Variants in IGSF5 observed in about 807,000 individuals in gnomAD.
IGSF5 encodes the protein immunoglobulin superfamily member 5, also known as immunoglobulin superfamily 5 like.
Under a neutral mutation model 39.4 loss-of-function variants are expected in IGSF5, and 41 were observed. The ratio of observed to expected loss-of-function variants is 1.04; its 90% CI spans 0.81 to 1.35. The LOEUF (loss-of-function observed/expected upper bound fraction) is 1.35. Ranked by LOEUF, IGSF5 falls within the 40% of genes most tolerant of loss-of-function variation. The pLI is 0.00. For missense variants in IGSF5, 487 were observed against 494.6 expected (o/e 0.98, Z 0.15); for synonymous variants, 183 against 175.3 (o/e 1.04, Z -0.34).
intron 8 of IGSF5, among the ~76,000 whole-genome samples, chr21:39,796,204 T>C (rs188477534): frequency 3.7e-4 from 57 of 152,248 alleles, no homozygotes; most frequent in Admixed American, 2.0e-3. Flanking sequence ...AGAGAAGACA[T>C]AGACCTTGTT....
At chr21:39,750,512 A>C (rs1245870594) in intron 2 of IGSF5, among the ~76,000 whole-genome samples, 1 of 147,806 alleles carries the variant, frequency 6.8e-6, no homozygotes, top group African/African-American at 2.5e-5. Flanking sequence ...TGTCTCCAGA[A>C]AAAAAAAAAA....
At chr21:39,746,911 G>T (rs1316134749) in intron 2 of IGSF5, among the ~76,000 whole-genome samples, 7 of 152,204 alleles carry the variant, frequency 4.6e-5, no homozygotes, top group Non-Finnish European at 1.0e-4. Flanking sequence ...GCACCTTGGA[G>T]AAATTCAGGC....
chr21:39,788,275 T>A, intron 6 of IGSF5, 87 bp downstream of exon 6: 1 of 971,570 alleles, frequency 1.0e-6, no homozygotes. Context: ...TACACACAAC[T>A]GCGGGATTTT....
intron 7 of IGSF5, among the ~76,000 whole-genome samples, chr21:39,792,347 TG>T (rs1392956124): frequency 2.0e-5 from 3 of 152,084 alleles, no homozygotes; most frequent in Admixed American, 6.6e-5. Flanking sequence ...TAAAAAACTT[TG>T]TTTTTTTCCA....
intron 2 of IGSF5, among the ~76,000 whole-genome samples, chr21:39,751,021 G>A (rs982044728): frequency 3.3e-5 from 5 of 152,222 alleles, no homozygotes; most frequent in African/African-American, 4.8e-5. Context: ...TTCCCAGCCC[G>A]GGGCCTGGAC....
chr21:39,747,230 A>C (rs1035585707), intron 2 of IGSF5, among the ~76,000 whole-genome samples: 4 of 152,222 alleles, frequency 2.6e-5, no homozygotes, highest in African/African-American at 9.6e-5. Context: ...GCAAGAGCGA[A>C]TCAGAGAGCC....
chr21:39,727,220 G>A, the IGSF5 span, among the ~76,000 whole-genome samples: 4 of 152,192 alleles, frequency 2.6e-5, no homozygotes, highest in African/African-American at 2.4e-5. Flanking sequence ...AGAGATCCTG[G>A]TTCCTGGGAT....
intron 8 of IGSF5, among the ~76,000 whole-genome samples, chr21:39,800,060 A>G (rs532409144): frequency 6.6e-6 from 1 of 152,344 alleles, no homozygotes; most frequent in South Asian, 2.1e-4. Flanking sequence ...TGCAGCTGAA[A>G]CACATTAGGG....
At chr21:39,731,415 C>A in the IGSF5 span, among the ~76,000 whole-genome samples, 1 of 152,120 alleles carries the variant, frequency 6.6e-6, no homozygotes, top group East Asian at 1.9e-4. Context: ...TTCCATATTC[C>A]CTTCTCTTTG....
At chr21:39,792,165 C>A in intron 7 of IGSF5, 66 bp downstream of exon 7, 1 of 1,065,812 alleles carries the variant, frequency 9.4e-7, no homozygotes, top group Non-Finnish European at 1.4e-6. Flanking sequence ...GGCTGGCTTG[C>A]TAGATACCAG....
At chr21:39,738,982 G>A in the IGSF5 span, among the ~76,000 whole-genome samples, 33 of 151,964 alleles carry the variant, frequency 2.2e-4, no homozygotes, top group South Asian at 2.5e-3. The surrounding 1 kb of genome is among the most constrained non-coding windows in gnomAD (Gnocchi z 6.4). Context: ...TCCATCTCCC[G>A]GGTTCAAGCA....
chr21:39,739,031 G>T, the IGSF5 span, among the ~76,000 whole-genome samples: 4 of 152,154 alleles, frequency 2.6e-5, no homozygotes, highest in South Asian at 8.3e-4. Flanking sequence ...TGTGATTACA[G>T]GAGCCCGCCA....
intron 8 of IGSF5, among the ~76,000 whole-genome samples, chr21:39,798,629 C>G (rs781427269): frequency 6.6e-6 from 1 of 152,162 alleles, no homozygotes; most frequent in Non-Finnish European, 1.5e-5. Context: ...TCTCTGAATA[C>G]GTCATCTTTG....
chr21:39,787,552 G>GTTTTTTTTTTTTTTTT (rs33925299), intron 5 of IGSF5, among the ~76,000 whole-genome samples: 1 of 119,908 alleles, frequency 8.3e-6, no homozygotes, highest in African/African-American at 3.2e-5. Flanking sequence ...TAATGACAGT[G>GTTTTTTTTTTTTTTTT]TTTTTTTTTT....
chr21:39,733,100 A>G, the IGSF5 span, among the ~76,000 whole-genome samples: 1 of 152,116 alleles, frequency 6.6e-6, no homozygotes, highest in Non-Finnish European at 1.5e-5. Flanking sequence ...AAGATATAGT[A>G]CCAAAGACAA....
At chr21:39,718,086 A>AT in the IGSF5 span, among the ~76,000 whole-genome samples, 43 of 144,420 alleles carry the variant, frequency 3.0e-4, no homozygotes, top group East Asian at 8.5e-4. Flanking sequence ...ATTCCTGGGT[A>AT]TTTTTTTTTT....
At chr21:39,761,057 C>T (rs752551502) in intron 2 of IGSF5, among the ~76,000 whole-genome samples, 2 of 152,108 alleles carry the variant, frequency 1.3e-5, no homozygotes, top group African/African-American at 2.4e-5. Flanking sequence ...CAAAAACAGA[C>T]ACATAGACCA....
intron 4 of IGSF5, among the ~76,000 whole-genome samples, chr21:39,772,616 G>A (rs2080120834): frequency 6.6e-6 from 1 of 152,050 alleles, no homozygotes; most frequent in African/African-American, 2.4e-5. Flanking sequence ...TCTTTACTTG[G>A]TGTTGTCCCA....
At chr21:39,787,461 G>A (rs2086929214) in intron 5 of IGSF5, among the ~76,000 whole-genome samples, 5 of 151,718 alleles carry the variant, frequency 3.3e-5, no homozygotes. Flanking sequence ...GACTTGATCT[G>A]TGGCTTTTTA....
Sources: allele counts gnomAD v4.1 joint callset (sites outside exome capture counted in the v4.1 genomes callset), GRCh38; gene constraint gnomAD v4.1.1; non-coding constraint Gnocchi (gnomAD v3.1); transcripts MANE v1.5; gene names NCBI Gene and HGNC (gene_info 2026-07-23, HGNC 2026-07-21).